PSG1: variants seen among roughly 807,000 people sequenced by gnomAD.
The protein encoded by PSG1 is pregnancy-specific beta-1-glycoprotein 1.
PSG1 carries 60 observed loss-of-function variants against 41.4 expected under a neutral mutation model. The ratio of observed to expected loss-of-function variants is 1.45; its 90% CI spans 1.18 to 1.80. PSG1 has a LOEUF of 1.80. Ranked by LOEUF, PSG1 falls within the 40% of genes most tolerant of loss-of-function variation. The pLI is 0.00. For synonymous variants in PSG1, 256 were observed against 192.9 expected (o/e 1.33, Z -2.71); for missense variants, 806 against 516.9 (o/e 1.56, Z -5.42).
intron 5 of PSG1, chr19:42,867,480 A>C: frequency 3.4e-6 from 2 of 581,020 alleles, no homozygotes; most frequent in Non-Finnish European, 6.1e-6. Context: ...CTGACTTCAG[A>C]CTTTGCCTGC....
Position 42,879,551 on chromosome 19 carries a change from G to A in PSG1, c.31C>T (p.Gln11Ter). The A allele has an allele frequency of 6.2e-7, 1 of 1,610,786 alleles. No individual in the cohort carries two copies. The highest frequency in any genetic ancestry group is 1.1e-5 in the South Asian group (1 of 90,804). Residue 11 changes from glutamine (Q) to a stop codon, truncating the protein, a stop_gained, in exon 1 of 6, where the codon CAG (glutamine) becomes TAG (stop). Coordinates refer to ENST00000436291, the MANE Select transcript of PSG1 (RefSeq NM_001184825.2). LOFTEE classifies it high-confidence loss of function. MGTLSAPPCT[Q>*]RIKWKGLLLT... ...AGGAGCCCCTTCCATTTGATGCGCT[G>A]TGTGCAGGGAGGGGCTGAGAGGGTT...
rs1236637217 is a variant in PSG1 at position 42,879,408 on chromosome 19, T to G, written c.64+110A>C. ...ATCTCATGATCCACCCACCTCAGAC[T>G]CCCAAAGTGCTGGCTTCTTTCATTT... On this transcript the variant is annotated intron_variant, in intron 1 of 5. Coordinates refer to ENST00000436291, the MANE Select transcript of PSG1 (RefSeq NM_001184825.2). The G allele has an allele frequency of 1.3e-6, 2 of 1,497,408 alleles. 1 individual carries two copies. Among genetic ancestry groups the G allele is most frequent in the Non-Finnish European group, 1.8e-6 (2 of 1,089,174 alleles). The allele number at this position is 1,497,408 out of a possible 1,614,324, so 92.8% of individuals were successfully genotyped here.
intron 3 of PSG1, 58 bp downstream of exon 3, chr19:42,871,702 CCTGGCCT>C: frequency 6.2e-7 from 1 of 1,612,430 alleles, no homozygotes; most frequent in South Asian, 1.1e-5. Context: ...GACAGAGAGG[CCTGGCCT>C]CTGGCCACGT....
In PSG1 at chr19:42,871,679, T is replaced by C; in HGVS notation, c.709+88A>G. ...TGTCCAGGGGTAAAGGTCTCTGTAT[T>C]GGACCTGAGAGGGACAGAGAGGCCT... On this transcript the variant is annotated intron_variant, in intron 3 of 5. Coordinates refer to ENST00000436291, the MANE Select transcript of PSG1 (RefSeq NM_001184825.2). 8.7e-6 allele frequency: 14 copies of C among 1,611,766 alleles called. 1 individual carries two copies. The South Asian group carries it at 1.3e-4, about 15-fold the overall frequency.
Position 42,866,952 on chromosome 19 carries a change from T to C in PSG1, c.*182A>G. ...GTTGTCCTGGTTTACAGTTTGAGCA[T>C]CTGTTGTTATGGTGTCGAATATTTT... is the stretch of plus-strand genomic sequence containing the variant. On this transcript the variant is annotated 3_prime_UTR_variant, in exon 6 of 6. Transcript: ENST00000436291. 1 of 746,644 alleles carries C rather than the reference T, an allele frequency of 1.3e-6. No individual in the cohort carries two copies. The highest frequency in any genetic ancestry group is 1.8e-5 in the Admixed American group (1 of 56,396). The allele number at this position is 746,644 out of a possible 1,614,324, so 46.3% of individuals were successfully genotyped here.
intron 2 of PSG1, among the ~76,000 whole-genome samples, chr19:42,873,374 T>TG (rs1267105291): frequency 6.6e-6 from 1 of 151,742 alleles, no homozygotes; most frequent in African/African-American, 2.4e-5. Flanking sequence ...TGTTGAGTTT[T>TG]GAGCATTTCA....
intron 2 of PSG1, among the ~76,000 whole-genome samples, chr19:42,877,127 C>T (rs1397643629): frequency 6.6e-6 from 1 of 151,710 alleles, no homozygotes; most frequent in Non-Finnish European, 1.5e-5. Context: ...ACACAAACAG[C>T]ATTTATTATT....
chr19:42,879,686 G>A lies in PSG1; in HGVS notation c.-105C>T, dbSNP rs1041749227. On this transcript the variant is annotated 5_prime_UTR_variant, in exon 1 of 6. Transcript: ENST00000436291. The stretch of plus-strand genomic sequence containing the variant: ...GCTGTCCTTCCTCTTTCTGTGCTGA[G>A]CCTCTTCCCAGGGCAGGAGCAATTC... 5.3e-6 allele frequency: 8 copies of A among 1,513,408 alleles called. No individual in the cohort carries two copies. The African/African-American group carries it at 8.3e-5, about 16-fold the overall frequency. The allele number at this position is 1,513,408 out of a possible 1,614,324, so 93.7% of individuals were successfully genotyped here. A position where few individuals can be genotyped will look rare whatever the true frequency, so the allele number is the denominator to read the frequency against.
intron 3 of PSG1, 128 bp downstream of exon 3, chr19:42,871,639 C>T: frequency 1.2e-6 from 2 of 1,605,096 alleles, no homozygotes. Flanking sequence ...GGCACAAAGT[C>T]ATGGCCAGGT....
chr19:42,871,803 C>A lies in PSG1; in HGVS notation c.673G>T (p.Ala225Ser). 1.2e-6 allele frequency: 2 copies of A among 1,612,556 alleles called. No individual in the cohort carries two copies. Among genetic ancestry groups the A allele is most frequent in the Non-Finnish European group, 1.7e-6 (2 of 1,179,248 alleles). Residue 225 changes from alanine (A) to serine (S), a missense_variant, in exon 3 of 6, where the codon GCC becomes TCC. Ala to Ser is a moderately conservative substitution (Grantham distance 99). Coordinates refer to ENST00000436291, the MANE Select transcript of PSG1 (RefSeq NM_001184825.2). ...AGGGTGACTGGGTCACTGCGGCTGG[C>A]ACTCACTGGGTTCCGTATTTCACAT... ...YECEIRNPVS[A>S]SRSDPVTLNL...
chr19:42,869,008 T>C lies in PSG1; in HGVS notation c.736A>G (p.Ile246Val), dbSNP rs777190191. 4.3e-6 allele frequency: 7 copies of C among 1,610,756 alleles called. 1 individual carries two copies. In the South Asian group the frequency reaches 4.4e-5, roughly 10 times the overall value. Residue 246 changes from isoleucine (I) to valine (V), a missense_variant, in exon 4 of 6, where the codon ATC becomes GTC. Physicochemically the swap from Ile to Val is conservative, Grantham distance 29. Coordinates refer to ENST00000436291, the MANE Select transcript of PSG1 (RefSeq NM_001184825.2). ...TTCTCCCTGGGGTTTAAGTTGTTGA[T>C]GGTGATGTAGGGCTTGGGCAGCTTC... ...LPKLPKPYIT[I>V]NNLNPRENKD... is the part of the protein sequence containing the mutation.
At position 42,870,310 on chromosome 19, in the gene PSG1, C is replaced by G. The variant is rs528587536; in HGVS notation, c.710-1276G>C. 4.0e-4 allele frequency: 60 copies of G among 151,858 alleles called. 1 individual carries two copies. Among genetic ancestry groups the G allele is most frequent in the African/African-American group, 1.4e-3 (56 of 41,420 alleles). The allele number at this position is 151,858 out of a possible 1,614,324, so 9.4% of individuals were successfully genotyped here. On this transcript the variant is annotated intron_variant, in intron 3 of 5. Transcript: ENST00000436291. Reference sequence around the variant, plus strand: ...ATCCCAAATCTGAAAGATTCAAAATCTAAAATGCTCCAGTGAGCATTTCTT... The same window carrying G: ...ATCCCAAATCTGAAAGATTCAAAATGTAAAATGCTCCAGTGAGCATTTCTT...
chr19:42,877,148 C>G (rs1971642587), intron 2 of PSG1, among the ~76,000 whole-genome samples: 1 of 151,692 alleles, frequency 6.6e-6, no homozygotes, highest in South Asian at 2.1e-4. Flanking sequence ...AATTTGCTTC[C>G]ATGAGAAAGC....
At chr19:42,879,456 G>A (rs1256078081) in intron 1 of PSG1, 62 bp downstream of exon 1, 2 of 1,592,172 alleles carry the variant, frequency 1.3e-6, no homozygotes, top group Admixed American at 3.4e-5. Context: ...TCCTCTCCAG[G>A]AGACCCCATC....
At position 42,871,350 on chromosome 19, in the gene PSG1, C is replaced by A. The variant is rs141804617; in HGVS notation, c.709+417G>T. Among the ~76,000 whole-genome samples the A allele has an allele frequency of 5.8e-4, 88 of 151,632 alleles. 1 individual carries two copies. Among genetic ancestry groups the A allele is most frequent in the African/African-American group, 1.9e-3 (77 of 41,330 alleles). On this transcript the variant is annotated intron_variant, in intron 3 of 5. Coordinates refer to ENST00000436291, the MANE Select transcript of PSG1 (RefSeq NM_001184825.2). ...GTGTATGAGGAAGAAATGGTGGGGG[C>A]ATCCAGGCCATGTGGAGTAAAGAGA...
intron 2 of PSG1, among the ~76,000 whole-genome samples, chr19:42,877,386 A>G (rs1184175315): frequency 1.3e-5 from 2 of 151,578 alleles, no homozygotes; most frequent in East Asian, 1.9e-4. Flanking sequence ...TGGCTGGTGA[A>G]CAGCTCCAGG....
intron 2 of PSG1, among the ~76,000 whole-genome samples, chr19:42,876,211 G>A (rs1273516635): frequency 2.0e-5 from 3 of 151,392 alleles, no homozygotes; most frequent in Non-Finnish European, 4.4e-5. Flanking sequence ...GGAAGATGAG[G>A]GACACAGAGA....
chr19:42,876,484 T>A (rs1412457821), intron 2 of PSG1, among the ~76,000 whole-genome samples: 1 of 151,310 alleles, frequency 6.6e-6, no homozygotes, highest in African/African-American at 2.4e-5. Context: ...GCATCCAAGA[T>A]CCAATCTCTA....
chr19:42,872,856 C>T (rs1017669364), intron 2 of PSG1, among the ~76,000 whole-genome samples: 2 of 151,810 alleles, frequency 1.3e-5, no homozygotes, highest in African/African-American at 2.4e-5. Flanking sequence ...TTTGCAAATG[C>T]AGAACTGACT....
Sources: allele counts gnomAD v4.1 joint callset (sites outside exome capture counted in the v4.1 genomes callset), GRCh38; gene constraint gnomAD v4.1.1; transcripts MANE v1.5; gene names NCBI Gene and HGNC (gene_info 2026-07-23, HGNC 2026-07-21).